CACNA1C: variants seen among roughly 807,000 people sequenced by gnomAD.
The protein encoded by CACNA1C is voltage-dependent L-type calcium channel subunit alpha-1C.
Under a neutral mutation model 229.0 loss-of-function variants are expected in CACNA1C, and 30 were observed. The ratio of observed to expected loss-of-function variants is 0.13; its 90% CI spans 0.10 to 0.18. CACNA1C has a LOEUF of 0.18. Ranked by LOEUF, CACNA1C falls within the 10% of genes least tolerant of loss-of-function variation. The pLI, the probability that CACNA1C is intolerant of heterozygous loss-of-function variation, is 1.00. For missense variants in CACNA1C, 1,658 were observed against 2,845.0 expected (o/e 0.58, Z 9.49); for synonymous variants, 1,114 against 1,132.5 (o/e 0.98, Z 0.33).
chr12:2,574,737 C>T (rs1019020216), intron 13 of CACNA1C, among the ~76,000 whole-genome samples: 1 of 152,246 alleles, frequency 6.6e-6, no homozygotes, highest in Admixed American at 6.5e-5. Context: ...TTCTAGCCCC[C>T]ACTCTTCTCA....
chr12:2,502,460 C>G (rs1257467353), intron 7 of CACNA1C, among the ~76,000 whole-genome samples: 1 of 152,202 alleles, frequency 6.6e-6, no homozygotes, highest in Non-Finnish European at 1.5e-5. Context: ...TCTGGGAAAG[C>G]AAACCAGATG....
At chr12:2,611,281 T>G (rs1196731629) in intron 28 of CACNA1C, among the ~76,000 whole-genome samples, 370 of 66,634 alleles carry the variant, frequency 5.6e-3, no homozygotes, top group Middle Eastern at 0.016. Flanking sequence ...TGCGTTCATT[T>G]TTGGTTGATC....
chr12:2,491,998 T>TC (rs1568004652), intron 6 of CACNA1C, among the ~76,000 whole-genome samples: 4 of 132,396 alleles, frequency 3.0e-5, no homozygotes, highest in African/African-American at 1.2e-4. Flanking sequence ...CTCTCTCTCT[T>TC]TGGAAGTGTA....
rs191147308 is a variant in CACNA1C at position 2,481,654 on chromosome 12, T to G, written c.758-4450T>G. ...GAACTCCAAACTAGCGAGACTGAAT[T>G]TCTAGGTTATGTGCTGTTTGATCTT... On this transcript the variant is annotated intron_variant, in intron 5 of 46. Transcript: ENST00000399655. 3.3e-5 allele frequency among the ~76,000 whole-genome samples: 5 copies of G among 152,314 alleles called. No individual in the cohort carries two copies. The East Asian group carries it at 9.6e-4, about 29-fold the overall frequency.
upstream of CACNA1C, among the ~76,000 whole-genome samples, chr12:2,050,029 ATACAGTGCC>A (rs1316906261): frequency 6.6e-6 from 1 of 152,270 alleles, no homozygotes; most frequent in Non-Finnish European, 1.5e-5. Flanking sequence ...TGCTAGATTT[ATACAGTGCC>A]TACCTTTAGA....
intron 1 of CACNA1C, among the ~76,000 whole-genome samples, chr12:2,072,249 A>C (rs1158475303): frequency 6.6e-6 from 1 of 152,056 alleles, no homozygotes; most frequent in Non-Finnish European, 1.5e-5. Flanking sequence ...CCCAGGCTGG[A>C]GTGCAGTGAT....
intron 3 of CACNA1C, among the ~76,000 whole-genome samples, chr12:2,321,524 A>C (rs182049668): frequency 4.0e-5 from 6 of 151,836 alleles, no homozygotes; most frequent in African/African-American, 1.5e-4. Context: ...AGGATGAATG[A>C]CTCTAGGCTC....
At chr12:2,400,885 C>A (rs1372324653) in intron 3 of CACNA1C, among the ~76,000 whole-genome samples, 1 of 152,184 alleles carries the variant, frequency 6.6e-6, no homozygotes, top group African/African-American at 2.4e-5. Flanking sequence ...CTTCCTCCCC[C>A]AAATATACTT....
chr12:2,240,780 G>T lies in CACNA1C; in HGVS notation c.477+120350G>T, dbSNP rs1410583999. Among the ~76,000 whole-genome samples, 3 of 149,086 alleles carry T rather than the reference G, an allele frequency of 2.0e-5. No homozygotes were observed. The Admixed American group carries it at 2.0e-4, about 10-fold the overall frequency. On this transcript the variant is annotated intron_variant, in intron 3 of 46. Transcript: ENST00000399655. Reference sequence around the variant, plus strand: ...TGGCCTCCTCTTCCACCTCTCTTTTGGCCATTTTCCTTGCCCTCTCCCCCA... The same window carrying T: ...TGGCCTCCTCTTCCACCTCTCTTTTTGCCATTTTCCTTGCCCTCTCCCCCA...
rs769463930 is a variant in CACNA1C, at chr12:2,597,297, C to T, written c.2853+8C>T. 1.2e-6 allele frequency: 2 copies of T among 1,604,104 alleles called. No homozygotes were observed. Among genetic ancestry groups the T allele is most frequent in the Non-Finnish European group, 1.7e-6 (2 of 1,171,112 alleles). On this transcript the variant is annotated splice_region_variant and intron_variant, in intron 21 of 46. Transcript: ENST00000399655. This position sits in a 1 kb window ranked among gnomAD's most constrained non-coding sequence, Gnocchi z 4.3. ...ATTGAAATTGCTCTGAAGGTAAAGC[C>T]CCCATCCCCTTCTGCTCCTCCTGTC...
At chr12:2,582,429 A>G (rs1168653829) in intron 14 of CACNA1C, among the ~76,000 whole-genome samples, 1 of 152,188 alleles carries the variant, frequency 6.6e-6, no homozygotes, top group Non-Finnish European at 1.5e-5. Context: ...CAAAGTCTTG[A>G]AGATGATGCC....
At chr12:2,243,935 A>G (rs1021307299) in intron 3 of CACNA1C, among the ~76,000 whole-genome samples, 10 of 152,358 alleles carry the variant, frequency 6.6e-5, no homozygotes, top group East Asian at 1.9e-4. Context: ...CTAGGTGCAC[A>G]TAAGGGAAAT....
intron 9 of CACNA1C, among the ~76,000 whole-genome samples, chr12:2,521,936 C>A (rs2099810777): frequency 6.6e-6 from 1 of 152,228 alleles, no homozygotes; most frequent in African/African-American, 2.4e-5. Flanking sequence ...GTATTTCAGG[C>A]ATCTCCAACC....
chr12:2,195,731 T>C (rs1368950284), intron 3 of CACNA1C, among the ~76,000 whole-genome samples: 2 of 152,168 alleles, frequency 1.3e-5, no homozygotes, highest in Non-Finnish European at 2.9e-5. Context: ...TTACTCTAGC[T>C]CTCGCTCTGC....
chr12:2,101,530 T>G (rs944928270), intron 1 of CACNA1C, among the ~76,000 whole-genome samples: 1 of 151,946 alleles, frequency 6.6e-6, no homozygotes, highest in Non-Finnish European at 1.5e-5. Context: ...CCTCCCTGAG[T>G]GTCAGGCCTG....
At chr12:2,060,027 G>A (rs1402033970) in intron 1 of CACNA1C, among the ~76,000 whole-genome samples, 1 of 152,220 alleles carries the variant, frequency 6.6e-6, no homozygotes, top group African/African-American at 2.4e-5. Context: ...CATTGGAAAG[G>A]TTTAAAAACA....
In CACNA1C at chr12:2,679,823, C is replaced by T. The variant is rs570602398; in HGVS notation, c.5444+27C>T. Reference sequence around the variant, plus strand: ...TAAGTGGGAGGCTGGCCACCCCAGGCGGCACACAGGGCCCACGTGCTGCAA... The same window carrying T: ...TAAGTGGGAGGCTGGCCACCCCAGGTGGCACACAGGGCCCACGTGCTGCAA... On this transcript the variant is annotated intron_variant, in intron 42 of 46. Coordinates refer to ENST00000399655, the MANE Select transcript of CACNA1C (RefSeq NM_000719.7). This position sits in a 1 kb window ranked among gnomAD's most constrained non-coding sequence, Gnocchi z 5.5. 38 of 1,475,734 alleles carry T rather than the reference C, an allele frequency of 2.6e-5. 1 individual carries two copies. The highest frequency in any genetic ancestry group is 2.2e-4 in the South Asian group (17 of 79,018). The allele number at this position is 1,475,734 out of a possible 1,614,324, so 91.4% of individuals were successfully genotyped here.
intron 37 of CACNA1C, among the ~76,000 whole-genome samples, chr12:2,667,736 T>C (rs1415342023): frequency 6.6e-6 from 1 of 152,114 alleles, no homozygotes; most frequent in Non-Finnish European, 1.5e-5. Flanking sequence ...TGCGAAACTT[T>C]CCGGTGGCCA....
chr12:2,687,307 C>A (rs901280475), intron 45 of CACNA1C, among the ~76,000 whole-genome samples: 4 of 152,230 alleles, frequency 2.6e-5, no homozygotes, highest in African/African-American at 9.6e-5. Context: ...TCTTGTCGTA[C>A]TGGTAGGCAC....
Sources: allele counts gnomAD v4.1 joint callset (sites outside exome capture counted in the v4.1 genomes callset), GRCh38; gene constraint gnomAD v4.1.1; non-coding constraint Gnocchi (gnomAD v3.1); transcripts MANE v1.5; gene names NCBI Gene and HGNC (gene_info 2026-07-23, HGNC 2026-07-21).